SLC4A5: variants seen among roughly 807,000 people sequenced by gnomAD.
SLC4A5 encodes the protein solute carrier family 4 member 5, also known as electrogenic sodium bicarbonate cotransporter 4.
SLC4A5 carries 96 observed loss-of-function variants against 120.4 expected under a neutral mutation model. The observed-to-expected ratio is 0.80, with a 90% CI of 0.68 to 0.94. The LOEUF (loss-of-function observed/expected upper bound fraction) is 0.94, where lower values mean the gene tolerates loss of function less well. Ranked by LOEUF, SLC4A5 falls within the 40% of genes least tolerant of loss-of-function variation. The probability of loss-of-function intolerance (pLI) is 0.00; values close to 1 mark genes in which losing one functional copy is unlikely to be tolerated. For missense variants in SLC4A5, 1,259 were observed against 1,459.5 expected (o/e 0.86, Z 2.24); for synonymous variants, 550 against 571.1 (o/e 0.96, Z 0.53).
intron 8 of SLC4A5, among the ~76,000 whole-genome samples, chr2:74,280,729 G>A (rs1671786035): frequency 6.6e-6 from 1 of 151,800 alleles, no homozygotes; most frequent in African/African-American, 2.4e-5. Flanking sequence ...TTGTTGCCCA[G>A]GCTGGAGTGC....
chr2:74,312,273 A>G (rs13419276), intron 6 of SLC4A5, among the ~76,000 whole-genome samples: 20,255 of 147,442 alleles, frequency 0.14, 1,733 homozygotes, highest in East Asian at 0.47. Context: ...GTGTGTGTGT[A>G]TATGCATTTT....
At chr2:74,228,783 G>A (rs994690010) in intron 25 of SLC4A5, among the ~76,000 whole-genome samples, 1 of 151,980 alleles carries the variant, frequency 6.6e-6, no homozygotes, top group African/African-American at 2.4e-5. Flanking sequence ...CCAATAGTTT[G>A]GCGGGTATCC....
intron 7 of SLC4A5, among the ~76,000 whole-genome samples, chr2:74,293,076 G>A (rs958638471): frequency 6.6e-6 from 1 of 151,678 alleles, no homozygotes; most frequent in African/African-American, 2.4e-5. Flanking sequence ...AAGCAGAGGG[G>A]GCAGGGATGG....
chr2:74,297,337 T>C (rs1344397280), intron 7 of SLC4A5, among the ~76,000 whole-genome samples: 2 of 152,332 alleles, frequency 1.3e-5, no homozygotes, highest in Admixed American at 1.3e-4. Flanking sequence ...CAATCTGGCA[T>C]GAACAACCAT....
intron 8 of SLC4A5, among the ~76,000 whole-genome samples, chr2:74,284,162 CTTTTTTTTTTT>C (rs1182761794): frequency 2.5e-5 from 2 of 81,106 alleles, no homozygotes; most frequent in South Asian, 4.0e-4. Context: ...TTCCTTATTT[CTTTTTTTTTTT>C]TTTTTTTTTT....
At chr2:74,331,591 C>G (rs1193836976) in intron 4 of SLC4A5, among the ~76,000 whole-genome samples, 2 of 151,894 alleles carry the variant, frequency 1.3e-5, no homozygotes, top group East Asian at 3.9e-4. Context: ...TCTGGAGACC[C>G]TTATTCTTTC....
At chr2:74,272,722 G>A (rs1671514482) in intron 8 of SLC4A5, among the ~76,000 whole-genome samples, 1 of 152,214 alleles carries the variant, frequency 6.6e-6, no homozygotes, top group South Asian at 2.1e-4. Context: ...ACAAAGCAGG[G>A]CCAGAACTGA....
At chr2:74,332,720 T>C (rs1476159067) in intron 4 of SLC4A5, among the ~76,000 whole-genome samples, 2 of 151,854 alleles carry the variant, frequency 1.3e-5, no homozygotes, top group Non-Finnish European at 2.9e-5. Context: ...TGTGTGTGTG[T>C]GTGTGCGTGT....
chr2:74,255,904 G>C lies in SLC4A5; in HGVS notation c.896C>G (p.Pro299Arg), dbSNP rs778599417. The change falls in exon 13 of 31, where the codon CCC becomes CGC. Residue 299 changes from proline (P) to arginine (R), a missense_variant. Physicochemically the swap from Pro to Arg is moderately radical, Grantham distance 103. Transcript: ENST00000394019. This position sits in a 1 kb window ranked among gnomAD's most constrained non-coding sequence, Gnocchi z 4.0. Reference sequence around the variant, plus strand: ...CACGTTGGACGCTTCTGAGTCCTTGGGGATCTTCTTCATGAATTTGTTTTT... The same window carrying C: ...CACGTTGGACGCTTCTGAGTCCTTGCGGATCTTCTTCATGAATTTGTTTTT... 2.5e-6 allele frequency: 4 copies of C among 1,613,910 alleles called. No individual in the cohort carries two copies. Among genetic ancestry groups the C allele is most frequent in the Non-Finnish European group, 3.4e-6 (4 of 1,179,846 alleles).
chr2:74,250,560 C>T (rs760107247), intron 16 of SLC4A5, 43 bp from the exon 17 acceptor site: 3 of 1,610,208 alleles, frequency 1.9e-6, no homozygotes, highest in South Asian at 2.2e-5. Flanking sequence ...ACCACTAACA[C>T]CAGTGCAGGG....
intron 21 of SLC4A5, 23 bp from the exon 22 acceptor site, chr2:74,235,237 T>A (rs768895744): frequency 6.3e-7 from 1 of 1,596,230 alleles, no homozygotes; most frequent in East Asian, 2.2e-5. Flanking sequence ...GATGAGCAAG[T>A]AAAAGAAGTG....
At chr2:74,306,525 G>A (rs892160303) in intron 6 of SLC4A5, among the ~76,000 whole-genome samples, 3 of 152,082 alleles carry the variant, frequency 2.0e-5, no homozygotes, top group Non-Finnish European at 2.9e-5. Context: ...GCCACTTTTC[G>A]TGTTTCTTTC....
chr2:74,240,079 ACT>A (rs1454162342), intron 20 of SLC4A5, among the ~76,000 whole-genome samples: 1 of 150,530 alleles, frequency 6.6e-6, no homozygotes. Context: ...TGTGAGACAC[ACT>A]CTGATGTGTA....
intron 11 of SLC4A5, among the ~76,000 whole-genome samples, chr2:74,260,389 G>A (rs1402608960): frequency 6.6e-6 from 1 of 152,024 alleles, no homozygotes; most frequent in Non-Finnish European, 1.5e-5. Flanking sequence ...CCCTCCAGGT[G>A]CCTCAGCCTC....
chr2:74,335,600 C>T (rs1440277421), intron 3 of SLC4A5, among the ~76,000 whole-genome samples: 1 of 152,132 alleles, frequency 6.6e-6, no homozygotes, highest in Non-Finnish European at 1.5e-5. Context: ...TTCATGTCAA[C>T]CTAAAATAAG....
At chr2:74,307,100 CA>C in intron 6 of SLC4A5, 2 of 560,502 alleles carry the variant, frequency 3.6e-6, no homozygotes, top group Non-Finnish European at 3.3e-6. Context: ...GGTCAATCTC[CA>C]AGGACTGGAC....
chr2:74,275,312 CCA>C (rs1448045980), intron 8 of SLC4A5, among the ~76,000 whole-genome samples: 1 of 152,144 alleles, frequency 6.6e-6, no homozygotes, highest in African/African-American at 2.4e-5. Context: ...GAAGGAGAGC[CCA>C]CAGCTAAGTG....
intron 7 of SLC4A5, among the ~76,000 whole-genome samples, chr2:74,304,100 C>T (rs1017472710): frequency 2.6e-5 from 4 of 152,092 alleles, no homozygotes; most frequent in Non-Finnish European, 5.9e-5. Flanking sequence ...CCGCCCACCT[C>T]GGCCTCCCAA....
intron 12 of SLC4A5, among the ~76,000 whole-genome samples, chr2:74,257,073 G>A (rs180829053): frequency 1.3e-4 from 20 of 152,246 alleles, no homozygotes; most frequent in Non-Finnish European, 2.6e-4. Context: ...CCCTGTGGAG[G>A]GGTCAGCTAT....
Sources: allele counts gnomAD v4.1 joint callset (sites outside exome capture counted in the v4.1 genomes callset), GRCh38; gene constraint gnomAD v4.1.1; non-coding constraint Gnocchi (gnomAD v3.1); transcripts MANE v1.5; gene names NCBI Gene and HGNC (gene_info 2026-07-23, HGNC 2026-07-21).